MORN1: variants seen among roughly 807,000 people sequenced by gnomAD.
MORN1 encodes MORN repeat containing 1, also known as MORN repeat-containing protein 1.
In MORN1, 67 loss-of-function variants were observed where a neutral mutation model predicts 61.9. That is an observed-to-expected ratio of 1.08 (90% confidence interval 0.89 to 1.33). The LOEUF is 1.33. MORN1 is among the 40% of genes most tolerant of loss of function. MORN1 has a pLI of 0.00. For missense variants in MORN1, 752 were observed against 691.2 expected (o/e 1.09, Z -0.99); for synonymous variants, 301 against 292.0 (o/e 1.03, Z -0.31).
intron 4 of MORN1, 71 bp from the exon 5 acceptor site, chr1:2,385,968 G>T (rs1164451059): frequency 2.9e-6 from 4 of 1,358,824 alleles, no homozygotes; most frequent in East Asian, 2.3e-5. Flanking sequence ...TCTGCCCTCC[G>T]CTCCTTGGAG....
chr1:2,384,644 T>A (rs1042303627), intron 6 of MORN1, among the ~76,000 whole-genome samples: 1 of 152,180 alleles, frequency 6.6e-6, no homozygotes, highest in African/African-American at 2.4e-5. Flanking sequence ...ACCAGTCTTA[T>A]CCCCGTGACT....
chr1:2,348,629 A>G (rs1230814711), intron 10 of MORN1, among the ~76,000 whole-genome samples: 1 of 151,728 alleles, frequency 6.6e-6, no homozygotes, highest in African/African-American at 2.4e-5. Flanking sequence ...GCACGCACGC[A>G]CACACGCACC....
chr1:2,358,467 A>G (rs939292712), intron 9 of MORN1, 125 bp downstream of exon 9: 3 of 1,272,992 alleles, frequency 2.4e-6, no homozygotes. Context: ...CAGACATCGA[A>G]TATTTCATTT....
intron 12 of MORN1, among the ~76,000 whole-genome samples, chr1:2,333,981 C>T (rs1246628023): frequency 1.3e-5 from 2 of 152,184 alleles, no homozygotes; most frequent in Admixed American, 1.3e-4. Context: ...GTTGGGGGAG[C>T]TGGGACCCAG....
intron 13 of MORN1, chr1:2,322,074 C>G: frequency 1.0e-6 from 1 of 985,438 alleles, no homozygotes; most frequent in African/African-American, 1.7e-5. Flanking sequence ...CGCCCTGGCC[C>G]CTTCCCCACA....
chr1:2,325,396 C>A (rs540030988), intron 12 of MORN1, among the ~76,000 whole-genome samples: 5 of 151,288 alleles, frequency 3.3e-5, no homozygotes, highest in Non-Finnish European at 7.4e-5. Context: ...CGGCCTCCAA[C>A]TCCTGGGCTC....
rs1641704786 is a variant in MORN1 at position 2,353,922 on chromosome 1, G to A, written c.1036+3510C>T. Reference sequence around the variant, plus strand: ...TGAAGGGTAACAATTCATGGATCATGGTTGGGAAGCAGCAAGCCCGATAAA... The same window carrying A: ...TGAAGGGTAACAATTCATGGATCATAGTTGGGAAGCAGCAAGCCCGATAAA... On this transcript the variant is annotated intron_variant, in intron 10 of 13. Transcript: ENST00000378531. Among the ~76,000 whole-genome samples, 11 of 152,370 alleles carry A rather than the reference G, an allele frequency of 7.2e-5. No homozygotes were observed. The South Asian group carries it at 2.1e-3, about 29-fold the overall frequency.
intron 1 of MORN1, among the ~76,000 whole-genome samples, chr1:2,390,226 A>G (rs1234330173): frequency 1.3e-5 from 2 of 152,198 alleles, no homozygotes; most frequent in Non-Finnish European, 2.9e-5. Context: ...CTTGGTGCAG[A>G]GAAGACAGGC....
chr1:2,363,811 A>AAAAAAAT (rs1199100386), intron 8 of MORN1, among the ~76,000 whole-genome samples: 168 of 135,138 alleles, frequency 1.2e-3, no homozygotes, highest in African/African-American at 4.1e-3. Context: ...CAAACAAAAA[A>AAAAAAAT]ATATATATAT....
At chr1:2,387,114 C>A in intron 4 of MORN1, 1 of 422,498 alleles carries the variant, frequency 2.4e-6, no homozygotes. Flanking sequence ...AACCTACTGA[C>A]CCCAGGATCA....
intron 6 of MORN1, chr1:2,378,618 G>A (rs778479654): frequency 4.3e-5 from 12 of 280,572 alleles, no homozygotes; most frequent in Middle Eastern, 1.3e-3. Flanking sequence ...CAACACTCAC[G>A]GCGCAGCTGA....
In MORN1 at chr1:2,389,977, G is replaced by A. The variant is rs1324183292; in HGVS notation, c.96C>T (p.Tyr32=). The A allele has an allele frequency of 6.2e-7, 1 of 1,613,930 alleles. No individual in the cohort carries two copies. Among genetic ancestry groups the A allele is most frequent in the African/African-American group, 1.3e-5 (1 of 74,914 alleles). The change falls in exon 2 of 14, where the codon TAC becomes TAT. Residue 32 remains tyrosine (Y), a synonymous_variant. Coordinates refer to ENST00000378531, the MANE Select transcript of MORN1 (RefSeq NM_024848.3). The part of the protein sequence containing the change: ...PPRNGYGVYV[Y]PNSFFRYEGE... ...CTTCATATCGAAAGAAGGAATTTGG[G>A]TATACGTAGACACCATAACCTGAGT...
intron 13 of MORN1, chr1:2,323,356 C>G (rs1333254535): frequency 1.0e-6 from 1 of 985,326 alleles, no homozygotes; most frequent in African/African-American, 1.7e-5. Context: ...GGGTCCAGAC[C>G]TTCCAGCCTT....
At chr1:2,335,446 C>T (rs1029307432) in intron 12 of MORN1, among the ~76,000 whole-genome samples, 24 of 152,190 alleles carry the variant, frequency 1.6e-4, no homozygotes, top group African/African-American at 7.2e-5. Flanking sequence ...CCCAGGCAGG[C>T]GCTGGGGATG....
rs1293846239 is a variant in MORN1 at position 2,372,303 on chromosome 1, G to C, written c.745+178C>G. ...CATGCTTGCACACACACCCAAGGCT[G>C]CCCTGACTGGCAGGGAAGCTGGCAC... On this transcript the variant is annotated intron_variant, in intron 8 of 13. Coordinates refer to ENST00000378531, the MANE Select transcript of MORN1 (RefSeq NM_024848.3). The surrounding 1 kb of genome is among the most constrained non-coding windows in gnomAD (Gnocchi z 5.4). The C allele has an allele frequency of 5.1e-6, 3 of 587,190 alleles. No individual in the cohort carries two copies. Among genetic ancestry groups the C allele is most frequent in the Non-Finnish European group, 9.2e-6 (3 of 327,248 alleles). 36.4% of individuals were successfully genotyped at this position (587,190 alleles called of 1,614,324 possible).
chr1:2,388,146 C>T (rs1642549485), intron 3 of MORN1, 93 bp downstream of exon 3: 1 of 981,960 alleles, frequency 1.0e-6, no homozygotes, highest in Admixed American at 1.8e-5. Flanking sequence ...TTCCCGTCTA[C>T]ACGTCACGCC....
Position 2,369,355 on chromosome 1 carries a change from GA to G in MORN1, c.745+3125del, listed in dbSNP as rs55703845. 2.1e-3 allele frequency among the ~76,000 whole-genome samples: 172 copies of G among 80,630 alleles called. 1 individual carries two copies. Among genetic ancestry groups the G allele is most frequent in the East Asian group, 0.012 (37 of 3,066 alleles). The allele number at this position is 80,630 out of a possible 152,430, so 52.9% of individuals were successfully genotyped here. On this transcript the variant is annotated intron_variant, in intron 8 of 13. Coordinates refer to ENST00000378531, the MANE Select transcript of MORN1 (RefSeq NM_024848.3). ...GATGACAGAGCAAAACTCAGTCTCA[GA>G]AAAAAAAAAAAAAAAAAAAGAAGAC...
chr1:2,362,092 C>A (rs966917080), intron 8 of MORN1, among the ~76,000 whole-genome samples: 11 of 151,836 alleles, frequency 7.2e-5, no homozygotes. Context: ...ATCAGCCGGG[C>A]GTGGTGGCGG....
At chr1:2,385,702 G>A (rs572965196) in intron 5 of MORN1, 105 bp downstream of exon 5, 56 of 1,038,012 alleles carry the variant, frequency 5.4e-5, no homozygotes, top group Admixed American at 3.0e-4. Context: ...GAACAGGCCC[G>A]GGGTGTCCCA....
Sources: gnomAD v4.1 joint callset for allele counts (sites outside exome capture counted in the v4.1 genomes callset) on GRCh38, gnomAD v4.1.1 for gene constraint, Gnocchi (gnomAD v3.1) non-coding constraint, MANE v1.5 for transcripts, NCBI Gene and HGNC (gene_info 2026-07-23, HGNC 2026-07-21) for gene names.